The following PLA2G5 variants were observed in gnomAD, a reference collection of about 807,000 sequenced individuals.
PLA2G5 encodes the protein Ca2+-dependent phospholipase A2.
In PLA2G5, 12 loss-of-function variants were observed where a neutral mutation model predicts 15.9. That is an observed-to-expected ratio of 0.76 (90% CI 0.48 to 1.23). PLA2G5 has a LOEUF of 1.23. Ranked by LOEUF, PLA2G5 falls within the 50% of genes most tolerant of loss-of-function variation. The probability of loss-of-function intolerance (pLI) is 0.00; values close to 1 mark genes in which losing one functional copy is unlikely to be tolerated. For missense variants in PLA2G5, 169 were observed against 177.1 expected (o/e 0.95, Z 0.26); for synonymous variants, 71 against 71.4 (o/e 0.99, Z 0.03).
In PLA2G5 at chr1:20,073,611, G is replaced by A. The variant is rs140000658; in HGVS notation, c.-11+3146G>A. 5.1e-3 allele frequency among the ~76,000 whole-genome samples: 773 copies of A among 152,246 alleles called. 10 individuals carry two copies. Among genetic ancestry groups the A allele is most frequent in the African/African-American group, 0.017 (721 of 41,548 alleles). On this transcript the variant is annotated intron_variant, in intron 1 of 4. Transcript: ENST00000375108. ...CAGATATGCATTAGGGGCCGGGTGC[G>A]GTGGCTGACACCTGTGACCCCAGCA...
At chr1:20,089,097 A>G (rs2016437648) in intron 3 of PLA2G5, among the ~76,000 whole-genome samples, 1 of 152,228 alleles carries the variant, frequency 6.6e-6, no homozygotes, top group Non-Finnish European at 1.5e-5. Flanking sequence ...CACCGCGCCC[A>G]GCTGCGATCA....
chr1:20,055,688 A>C (rs2014397988), intron 1 of PLA2G5, among the ~76,000 whole-genome samples: 1 of 152,204 alleles, frequency 6.6e-6, no homozygotes, highest in Non-Finnish European at 1.5e-5. Flanking sequence ...TGGGACTAGC[A>C]GTGACCCTTC....
At chr1:20,036,895 C>G (rs1394341369) in intron 1 of PLA2G5, among the ~76,000 whole-genome samples, 1 of 152,022 alleles carries the variant, frequency 6.6e-6, no homozygotes, top group Non-Finnish European at 1.5e-5. Flanking sequence ...GAACTCCCGA[C>G]CTCAGCTGAC....
chr1:20,033,458 A>G (rs1214734538), intron 1 of PLA2G5, among the ~76,000 whole-genome samples: 1 of 152,182 alleles, frequency 6.6e-6, no homozygotes, highest in Admixed American at 6.5e-5. Context: ...AAGCAAGATG[A>G]CAGGAGGGAT....
At chr1:20,083,359 T>C (rs2016127073) in intron 1 of PLA2G5, among the ~76,000 whole-genome samples, 1 of 151,772 alleles carries the variant, frequency 6.6e-6, no homozygotes, top group Non-Finnish European at 1.5e-5. Flanking sequence ...GTCTGAAGCA[T>C]GTTTGGAGGC....
rs755371164 is a variant in PLA2G5 at position 20,089,777 on chromosome 1, T to C, written c.186-12T>C. 1.9e-6 allele frequency: 3 copies of C among 1,611,346 alleles called. No homozygotes were observed. The South Asian group carries it at 3.3e-5, about 18-fold the overall frequency. On this transcript the variant is annotated splice_polypyrimidine_tract_variant and intron_variant, in intron 3 of 4. Coordinates refer to ENST00000375108, the MANE Select transcript of PLA2G5 (RefSeq NM_000929.3). Reference sequence around the variant, plus strand: ...CCCTCCCACTCGGGATCTAAGTCTCTTGCACGGACAGGTGCTGTTGGGCGC... The same window carrying C: ...CCCTCCCACTCGGGATCTAAGTCTCCTGCACGGACAGGTGCTGTTGGGCGC...
intron 1 of PLA2G5, among the ~76,000 whole-genome samples, chr1:20,073,744 G>C (rs571744420): frequency 1.3e-5 from 2 of 152,040 alleles, no homozygotes; most frequent in African/African-American, 4.8e-5. Flanking sequence ...TTAGCCCAGC[G>C]TGGTAATCCC....
intron 1 of PLA2G5, among the ~76,000 whole-genome samples, chr1:20,054,265 G>A (rs2014326379): frequency 6.6e-6 from 1 of 152,202 alleles, no homozygotes; most frequent in South Asian, 2.1e-4. Flanking sequence ...TATTCCATTA[G>A]TTAGAAGCAA....
intron 1 of PLA2G5, among the ~76,000 whole-genome samples, chr1:20,039,635 A>G (rs2013476119): frequency 6.6e-6 from 1 of 152,110 alleles, no homozygotes; most frequent in South Asian, 2.1e-4. Flanking sequence ...ATTTCCTATA[A>G]ATAGGAAATA....
Position 20,041,178 on chromosome 1 carries a change from T to C in PLA2G5, n.276+12469T>C, listed in dbSNP as rs528226911. Among the ~76,000 whole-genome samples the C allele has an allele frequency of 2.0e-5, 3 of 152,314 alleles. No individual in the cohort carries two copies. The South Asian group carries it at 6.2e-4, about 32-fold the overall frequency. On this transcript the variant is annotated intron_variant and non_coding_transcript_variant, in intron 1 of 6. Coordinates refer to the PLA2G5 transcript ENST00000460175. ...GGATTCTGAGTGGAGGTACCCCTGATCTTTGACGAATCTCCTATAGGTGCT... is the reference window on the plus strand; with the variant it reads ...GGATTCTGAGTGGAGGTACCCCTGACCTTTGACGAATCTCCTATAGGTGCT...
At chr1:20,069,880 A>G (rs2015256213), upstream of PLA2G5, among the ~76,000 whole-genome samples, 1 of 152,022 alleles carries the variant, frequency 6.6e-6, no homozygotes, top group Non-Finnish European at 1.5e-5. Flanking sequence ...AGATAGTTTT[A>G]CTGTATACTA....
chr1:20,053,664 C>T (rs2014292174), intron 1 of PLA2G5, among the ~76,000 whole-genome samples: 1 of 151,456 alleles, frequency 6.6e-6, no homozygotes, highest in African/African-American at 2.4e-5. Context: ...TCTCACTTGT[C>T]TCTACTATTC....
In PLA2G5 at chr1:20,090,693, G is replaced by A. The variant is rs1433043862; in HGVS notation, c.*1G>A. On this transcript the variant is annotated 3_prime_UTR_variant, in exon 5 of 5. Transcript: ENST00000375108. ...CTTTCCCAACATCCTCTGCTCCTAG[G>A]CCTCCCCAGCGAGCTCCTCCCAGAC... 1 of 1,614,092 alleles carries A rather than the reference G, an allele frequency of 6.2e-7. No individual in the cohort carries two copies. Among genetic ancestry groups the A allele is most frequent in the African/African-American group, 1.3e-5 (1 of 75,026 alleles).
At chr1:20,069,132 T>C, upstream of PLA2G5, 1 of 438,138 alleles carries the variant, frequency 2.3e-6, no homozygotes, top group Non-Finnish European at 4.6e-6. Flanking sequence ...AATTGACAAA[T>C]GTGATATTAT....
At position 20,036,827 on chromosome 1, in the gene PLA2G5, G is replaced by A. The variant is rs1257602969; in HGVS notation, n.276+8118G>A. 2.6e-5 allele frequency among the ~76,000 whole-genome samples: 4 copies of A among 152,074 alleles called. No individual in the cohort carries two copies. The East Asian group carries it at 7.7e-4, about 29-fold the overall frequency. On this transcript the variant is annotated intron_variant and non_coding_transcript_variant, in intron 1 of 6. Transcript: ENST00000460175. ...ATTACAGGCCTGTGCCACCACACCT[G>A]GCCAATTTTGTATTTTTAGTAGAGA...
intron 1 of PLA2G5, among the ~76,000 whole-genome samples, chr1:20,058,040 A>T (rs2014524671): frequency 6.6e-6 from 1 of 152,168 alleles, no homozygotes; most frequent in Admixed American, 6.5e-5. Context: ...GTTTTATGGC[A>T]TGGAATGTGG....
chr1:20,069,498 C>A (rs1309728596), upstream of PLA2G5, among the ~76,000 whole-genome samples: 1 of 152,010 alleles, frequency 6.6e-6, no homozygotes, highest in Non-Finnish European at 1.5e-5. Flanking sequence ...TATGGTGAAA[C>A]CCCTTTCCAC....
At chr1:20,046,926 T>A (rs188056553) in intron 1 of PLA2G5, among the ~76,000 whole-genome samples, 8 of 152,306 alleles carry the variant, frequency 5.3e-5, no homozygotes, top group Admixed American at 3.3e-4. Flanking sequence ...TAATCTTGAA[T>A]GAGCTTGTCT....
chr1:20,078,068 G>A (rs1394326172), intron 1 of PLA2G5, among the ~76,000 whole-genome samples: 1 of 152,130 alleles, frequency 6.6e-6, no homozygotes, highest in Non-Finnish European at 1.5e-5. Flanking sequence ...GGGATGGGGG[G>A]ATTAGCCACA....
Sources: gnomAD v4.1 joint callset for allele counts (sites outside exome capture counted in the v4.1 genomes callset) on GRCh38, gnomAD v4.1.1 for gene constraint, MANE v1.5 for transcripts, NCBI Gene and HGNC (gene_info 2026-07-23, HGNC 2026-07-21) for gene names.